The following WDHD1 variants were observed in gnomAD, a reference collection of about 807,000 sequenced individuals.
WDHD1 encodes WD repeat and HMG-box DNA-binding protein 1.
In WDHD1, 111 loss-of-function variants were observed where a neutral mutation model predicts 135.4. That is an observed-to-expected ratio of 0.82 (90% CI 0.70 to 0.96). The LOEUF (loss-of-function observed/expected upper bound fraction) is 0.96, where lower values mean the gene tolerates loss of function less well. WDHD1 is among the 40% of genes least tolerant of loss of function. The pLI is 0.00. For synonymous variants in WDHD1, 434 were observed against 439.0 expected (o/e 0.99, Z 0.14); for missense variants, 1,351 against 1,336.3 (o/e 1.01, Z -0.17).
intron 13 of WDHD1, among the ~76,000 whole-genome samples, chr14:54,988,733 T>C (rs1380717314): frequency 9.0e-6 from 1 of 110,760 alleles, no homozygotes; most frequent in Admixed American, 8.7e-5. Context: ...ACTCTTATAA[T>C]AGTAAAAAAA....
intron 24 of WDHD1, among the ~76,000 whole-genome samples, chr14:54,949,793 T>G (rs751117505): frequency 6.6e-6 from 1 of 152,208 alleles, no homozygotes; most frequent in Non-Finnish European, 1.5e-5. Context: ...ACAGCTGATC[T>G]CTCGGCAGAA....
intron 10 of WDHD1, among the ~76,000 whole-genome samples, chr14:54,997,774 G>C (rs551674402): frequency 3.3e-5 from 5 of 152,028 alleles, no homozygotes; most frequent in Admixed American, 6.6e-5. Context: ...AGCCAGGCGT[G>C]GGGGCACAAG....
intron 15 of WDHD1, among the ~76,000 whole-genome samples, chr14:54,982,126 C>G (rs1268731911): frequency 6.6e-6 from 1 of 151,958 alleles, no homozygotes; most frequent in Non-Finnish European, 1.5e-5. Context: ...CCTGCCTCAG[C>G]CTCCCGAGTA....
Position 54,963,040 on chromosome 14 carries a change from G to C in WDHD1, c.2443C>G (p.Leu815Val), listed in dbSNP as rs779451419. The change falls in exon 19 of 26, where the codon CTG becomes GTG. Residue 815 changes from leucine (L) to valine (V), a missense_variant. Physicochemically the swap from Leu to Val is conservative, Grantham distance 32. Transcript: ENST00000360586. ...AATTCGGCTGCCTTCTCTACAGCCA[G>C]TTCACTTAGTTTTTGAGCCAGTATT... Reference protein sequence around the residue: ...KLILAQKLSELAVEKAAELTA... With the variant: ...KLILAQKLSEVAVEKAAELTA... 6.2e-7 allele frequency: 1 copy of C among 1,613,890 alleles called. No individual in the cohort carries two copies. The highest frequency in any genetic ancestry group is 8.5e-7 in the Non-Finnish European group (1 of 1,179,998).
chr14:55,008,760 A>T (rs749677111), intron 4 of WDHD1, 41 bp from the exon 5 acceptor site: 5 of 1,370,878 alleles, frequency 3.6e-6, no homozygotes, highest in Non-Finnish European at 5.1e-6. Flanking sequence ...AAATGCTAAC[A>T]CAAAGGCCTC....
intron 11 of WDHD1, among the ~76,000 whole-genome samples, chr14:54,993,872 C>T (rs1289665982): frequency 6.6e-6 from 1 of 151,832 alleles, no homozygotes; most frequent in African/African-American, 2.4e-5. Context: ...TGACGATAGC[C>T]GTAACTCTGT....
intron 2 of WDHD1, among the ~76,000 whole-genome samples, chr14:55,020,999 C>A: frequency 6.6e-6 from 1 of 151,958 alleles, no homozygotes. Context: ...ACGGGGAACA[C>A]GAAGAGGAGT....
At position 54,995,638 on chromosome 14, in the gene WDHD1, C is replaced by G; in HGVS notation, c.1118G>C (p.Arg373Pro). ...LMMASGRPRQ[R>P]SHILEDDENS... ...TTCATCATCTTCTAGGATGTGACTT[C>G]GCTGTCTAGGACGACCTGAAGCCAT... Residue 373 changes from arginine to proline, a missense_variant, in exon 11 of 26, where the codon CGA (arginine) becomes CCA (proline). Coordinates refer to ENST00000360586, the MANE Select transcript of WDHD1 (RefSeq NM_007086.4). 6.2e-7 allele frequency: 1 copy of G among 1,609,332 alleles called. No individual in the cohort carries two copies. Among genetic ancestry groups the G allele is most frequent in the Non-Finnish European group, 8.5e-7 (1 of 1,177,980 alleles).
At chr14:55,004,870 C>A in intron 7 of WDHD1, 1 of 517,110 alleles carries the variant, frequency 1.9e-6, no homozygotes, top group Non-Finnish European at 3.8e-6. Context: ...TGGGGAGCCG[C>A]AGACCAGTCT....
At position 54,939,584 on chromosome 14, in the gene WDHD1, T is replaced by TG. The variant is rs1223821779; in HGVS notation, c.*1905dup. The stretch of plus-strand genomic sequence containing the variant: ...TTCATACTATTCAGTCCCAATTCTC[T>TG]GGAAAAAAAAAAAAGAACACTGGAA... On this transcript the variant is annotated 3_prime_UTR_variant, in exon 26 of 26. Transcript: ENST00000360586. The TG allele has an allele frequency of 2.8e-3, 17 of 6,164 alleles. No individual in the cohort carries two copies. Among genetic ancestry groups the TG allele is most frequent in the Admixed American group, 7.6e-3 (3 of 394 alleles). 0.4% of individuals were successfully genotyped at this position (6,164 alleles called of 1,614,324 possible).
At chr14:54,942,772 C>G (rs951535838) in intron 25 of WDHD1, among the ~76,000 whole-genome samples, 1 of 152,166 alleles carries the variant, frequency 6.6e-6, no homozygotes, top group East Asian at 1.9e-4. Context: ...ATTTCAAGGG[C>G]TCTTCAAGCT....
At chr14:54,993,001 T>C (rs894614637) in intron 11 of WDHD1, among the ~76,000 whole-genome samples, 2 of 152,176 alleles carry the variant, frequency 1.3e-5, no homozygotes, top group Non-Finnish European at 2.9e-5. Flanking sequence ...AAAGTGTCAG[T>C]ATAAAGAGGA....
At chr14:55,023,880 G>A (rs764531409) in intron 2 of WDHD1, among the ~76,000 whole-genome samples, 1 of 152,110 alleles carries the variant, frequency 6.6e-6, no homozygotes, top group Non-Finnish European at 1.5e-5. Context: ...CATTTCTCTT[G>A]ACTGCGGATG....
At chr14:54,948,315 T>C (rs2040969735) in intron 24 of WDHD1, among the ~76,000 whole-genome samples, 1 of 152,130 alleles carries the variant, frequency 6.6e-6, no homozygotes, top group African/African-American at 2.4e-5. Context: ...AGCAAAGCTG[T>C]GACACACAGC....
chr14:54,983,567 G>A (rs1324164098), intron 15 of WDHD1, among the ~76,000 whole-genome samples: 1 of 152,090 alleles, frequency 6.6e-6, no homozygotes, highest in Non-Finnish European at 1.5e-5. Context: ...CAGCTACTCA[G>A]AAGGCTGAAG....
Position 54,957,198 on chromosome 14 carries a change from C to A in WDHD1, c.2752G>T (p.Ala918Ser), listed in dbSNP as rs778663933. ...GACATGGCTGGTTCTTTGGAACTGG[C>A]TGATACCTAAAGAGCAAACTAGTGT... ...QGRVNPFKVS[A>S]SSKEPAMSMN... The change falls in exon 23 of 26, where the codon GCC becomes TCC. Residue 918 changes from alanine (A) to serine (S), a missense_variant. Transcript: ENST00000360586. 1 of 1,613,314 alleles carries A rather than the reference C, an allele frequency of 6.2e-7. No homozygotes were observed. The highest frequency in any genetic ancestry group is 2.2e-5 in the East Asian group (1 of 44,852).
At chr14:54,983,490 T>C (rs1047750058) in intron 15 of WDHD1, among the ~76,000 whole-genome samples, 1 of 151,524 alleles carries the variant, frequency 6.6e-6, no homozygotes, top group African/African-American at 2.4e-5. Flanking sequence ...CTGGCCAGCA[T>C]GGTAAAACCC....
At chr14:55,005,259 T>G (rs1222104086) in intron 7 of WDHD1, 7 of 541,226 alleles carry the variant, frequency 1.3e-5, no homozygotes, top group Admixed American at 9.7e-5. Flanking sequence ...AGAGCAATGG[T>G]AGGTACGTTA....
chr14:55,010,578 G>A, intron 3 of WDHD1, 118 bp from the exon 4 acceptor site: 2 of 885,062 alleles, frequency 2.3e-6, no homozygotes, highest in Non-Finnish European at 3.1e-6. Flanking sequence ...TTCATATCAA[G>A]AGAAAAATTA....
Sources: gnomAD v4.1 joint callset for allele counts (sites outside exome capture counted in the v4.1 genomes callset) on GRCh38, gnomAD v4.1.1 for gene constraint, MANE v1.5 for transcripts, NCBI Gene and HGNC (gene_info 2026-07-23, HGNC 2026-07-21) for gene names.